The following KCNN2 variants were observed in gnomAD, a reference collection of about 807,000 sequenced individuals.
KCNN2 encodes potassium calcium-activated channel subfamily N member 2, also known as small conductance calcium-activated potassium channel protein 2.
A neutral mutation model predicts 55.5 loss-of-function variants in KCNN2; 24 were observed. The observed-to-expected ratio is 0.43, with a 90% CI of 0.31 to 0.61. KCNN2 has a LOEUF of 0.61. Among genes scored for constraint, KCNN2 ranks in the 20% least tolerant of loss-of-function variants. KCNN2 has a pLI of 0.08. For synonymous variants in KCNN2, 431 were observed against 336.1 expected, an observed-to-expected ratio of 1.28 and a Z score of -3.09; for missense variants, 754 against 853.6, an observed-to-expected ratio of 0.88 and a Z score of 1.45.
At chr5:114,373,482 T>C (rs1205416875) in intron 2 of KCNN2, among the ~76,000 whole-genome samples, 1 of 150,700 alleles carries the variant, frequency 6.6e-6, no homozygotes, top group African/African-American at 2.4e-5. Context: ...TGACTGTTTT[T>C]ACAACATAGT....
At chr5:114,076,461 C>T (rs993753325) in intron 1 of KCNN2, among the ~76,000 whole-genome samples, 3 of 152,032 alleles carry the variant, frequency 2.0e-5, no homozygotes, top group Non-Finnish European at 2.9e-5. Context: ...GCCAGAGGGG[C>T]CTTAAACATC....
chr5:114,434,453 A>G (rs115399892), intron 3 of KCNN2, among the ~76,000 whole-genome samples: 1,625 of 152,190 alleles, frequency 0.011, 30 homozygotes, highest in African/African-American at 0.037. Flanking sequence ...GATAACCCCA[A>G]CATTCCTACC....
chr5:114,098,786 A>G (rs989438047), intron 1 of KCNN2, among the ~76,000 whole-genome samples: 3 of 152,128 alleles, frequency 2.0e-5, no homozygotes, highest in Admixed American at 1.3e-4. Flanking sequence ...TTTGGCTCCA[A>G]TCTTTTTTTC....
Position 114,119,309 on chromosome 5 carries a change from G to A in KCNN2, c.-271+62809G>A, listed in dbSNP as rs529813239. 6.6e-5 allele frequency among the ~76,000 whole-genome samples: 10 copies of A among 152,200 alleles called. No homozygotes were observed. The East Asian group carries it at 7.7e-4, about 12-fold the overall frequency. On this transcript the variant is annotated intron_variant, in intron 1 of 10. Transcript: ENST00000512097. ...GAGAGCATGTTCAAACAACCAAATC[G>A]TACTTAGATACACAAAAGTCTGATA...
At chr5:114,387,086 G>C (rs1208449349) in intron 2 of KCNN2, among the ~76,000 whole-genome samples, 3 of 152,188 alleles carry the variant, frequency 2.0e-5, no homozygotes, top group African/African-American at 4.8e-5. Flanking sequence ...GTGGCCACTT[G>C]ATTATTTTTT....
At chr5:114,245,552 C>G (rs1170255272) in intron 2 of KCNN2, among the ~76,000 whole-genome samples, 1 of 152,154 alleles carries the variant, frequency 6.6e-6, no homozygotes. Context: ...TCACTGCAGC[C>G]ACACTATAGC....
rs1036726874 is a variant in KCNN2, at chr5:114,135,294, A to C, written c.-271+78794A>C. Among the ~76,000 whole-genome samples, 5 of 152,308 alleles carry C rather than the reference A, an allele frequency of 3.3e-5. No homozygotes were observed. In the East Asian group the frequency reaches 5.8e-4, roughly 18 times the overall value. ...AGGAAGCAGTTTCACTCTTTATTCA[A>C]CACTGTCCCTACTCCAACCCGATAG... On this transcript the variant is annotated intron_variant, in intron 1 of 10. Coordinates refer to the KCNN2 transcript ENST00000512097.
intron 1 of KCNN2, among the ~76,000 whole-genome samples, chr5:114,153,547 T>C (rs1250935511): frequency 2.0e-5 from 3 of 152,200 alleles, no homozygotes; most frequent in Admixed American, 6.5e-5. Context: ...ATGTGTTTCT[T>C]GTGTCTGTTT....
intron 2 of KCNN2, among the ~76,000 whole-genome samples, chr5:114,396,374 T>C (rs1057290022): frequency 3.3e-5 from 5 of 152,226 alleles, no homozygotes; most frequent in Non-Finnish European, 4.4e-5. Context: ...TACAGCATTT[T>C]TCTTTGTGGA....
upstream of KCNN2, among the ~76,000 whole-genome samples, chr5:114,361,415 G>C (rs1757418360): frequency 6.6e-6 from 1 of 152,206 alleles, no homozygotes; most frequent in Admixed American, 6.5e-5. Context: ...GGCCAAGGCA[G>C]GGCTCAGGCC....
Position 114,242,888 on chromosome 5 carries a change from G to A in KCNN2, c.-185+21323G>A, listed in dbSNP as rs540991265. ...AAATAAATTGGCCATTCTTTTGGCA[G>A]TAAATGAGGCCCAACATGCCTTGTT... On this transcript the variant is annotated intron_variant, in intron 2 of 10. Transcript: ENST00000512097. 7.9e-5 allele frequency among the ~76,000 whole-genome samples: 12 copies of A among 152,270 alleles called. No individual in the cohort carries two copies. The South Asian group carries it at 2.5e-3, about 32-fold the overall frequency.
At chr5:114,375,413 T>A (rs1467343955) in intron 2 of KCNN2, among the ~76,000 whole-genome samples, 1 of 152,166 alleles carries the variant, frequency 6.6e-6, no homozygotes, top group Admixed American at 6.5e-5. Flanking sequence ...AAACTTTGTT[T>A]TATTTATGTG....
At chr5:114,462,305 C>G (rs1284027656) in intron 3 of KCNN2, among the ~76,000 whole-genome samples, 1 of 152,194 alleles carries the variant, frequency 6.6e-6, no homozygotes, top group South Asian at 2.1e-4. Flanking sequence ...TTTGACACCT[C>G]AAAGAATGAT....
At chr5:114,243,038 A>G (rs1334580716) in intron 2 of KCNN2, among the ~76,000 whole-genome samples, 1 of 152,202 alleles carries the variant, frequency 6.6e-6, no homozygotes, top group Non-Finnish European at 1.5e-5. Flanking sequence ...TGTGGAACTT[A>G]TATTCTAGTG....
chr5:114,394,370 T>C (rs1758553192), intron 2 of KCNN2, among the ~76,000 whole-genome samples: 1 of 152,186 alleles, frequency 6.6e-6, no homozygotes, highest in Non-Finnish European at 1.5e-5. Flanking sequence ...AACTTTTATG[T>C]ATTAGGGAGG....
At chr5:114,452,734 A>G (rs1191915807) in intron 3 of KCNN2, among the ~76,000 whole-genome samples, 1 of 152,154 alleles carries the variant, frequency 6.6e-6, no homozygotes, top group Non-Finnish European at 1.5e-5. Flanking sequence ...TGGCTCCAAT[A>G]TGCAGCTACA....
At chr5:114,107,597 G>C (rs1751516118) in intron 1 of KCNN2, among the ~76,000 whole-genome samples, 1 of 151,636 alleles carries the variant, frequency 6.6e-6, no homozygotes, top group Non-Finnish European at 1.5e-5. Flanking sequence ...ACGAAGGTCT[G>C]TGTTGCCATG....
chr5:114,234,742 G>A (rs1017399535), intron 2 of KCNN2, among the ~76,000 whole-genome samples: 2 of 152,094 alleles, frequency 1.3e-5, no homozygotes, highest in Admixed American at 6.5e-5. Context: ...GCTTACTCTC[G>A]GGGAAACATT....
chr5:114,293,200 C>G (rs143768330), intron 2 of KCNN2, among the ~76,000 whole-genome samples: 105 of 152,196 alleles, frequency 6.9e-4, no homozygotes, highest in African/African-American at 2.3e-3. Context: ...TCCTGCCTGA[C>G]TGCCCTGGCC....
Sources: gnomAD v4.1 joint callset for allele counts (sites outside exome capture counted in the v4.1 genomes callset) on GRCh38, gnomAD v4.1.1 for gene constraint, MANE v1.5 for transcripts, NCBI Gene and HGNC (gene_info 2026-07-23, HGNC 2026-07-21) for gene names.